Variants in LRP2 observed in about 807,000 individuals in gnomAD.
LRP2 encodes the protein LDL receptor related protein 2.
In LRP2, 172 loss-of-function variants were observed where a neutral mutation model predicts 531.0. That is an observed-to-expected ratio of 0.32 (90% CI 0.29 to 0.37). The LOEUF (loss-of-function observed/expected upper bound fraction) is 0.37. Among genes scored for constraint, LRP2 ranks in the 10% least tolerant of loss-of-function variants. The probability of loss-of-function intolerance (pLI) is 1.00; values close to 1 mark genes in which losing one functional copy is unlikely to be tolerated. For missense variants in LRP2, 5,167 were observed against 5,868.3 expected (o/e 0.88, Z 3.90); for synonymous variants, 1,992 against 2,027.6 (o/e 0.98, Z 0.47).
chr2:169,168,399 T>C (rs192927172), intron 61 of LRP2, 140 bp downstream of exon 61: 18 of 1,029,936 alleles, frequency 1.7e-5, no homozygotes, highest in Admixed American at 1.7e-4. Flanking sequence ...GAAGACCCAG[T>C]GAAATAACAC....
Position 169,275,021 on chromosome 2 carries a change from T to C in LRP2, c.1975+15A>G. 6.2e-7 allele frequency: 1 copy of C among 1,612,486 alleles called. No individual in the cohort carries two copies. Among genetic ancestry groups the C allele is most frequent in the Non-Finnish European group, 8.5e-7 (1 of 1,178,824 alleles). ...GTCCGGTACCAAGCATGGTTACCAC[T>C]GCTCTGAGGCTTACCATAGGGCTGT... On this transcript the variant is annotated intron_variant, in intron 14 of 78. Transcript: ENST00000649046.
At position 169,183,701 on chromosome 2, in the gene LRP2, C is replaced by A. The variant is rs927229793; in HGVS notation, c.9846-1382G>T. On this transcript the variant is annotated intron_variant, in intron 50 of 78. Coordinates refer to ENST00000649046, the MANE Select transcript of LRP2 (RefSeq NM_004525.3). The stretch of plus-strand genomic sequence containing the variant: ...TCAAGAAAACATGGAGAAGATATTC[C>A]GTCTCCACTACTGGAAAAATTAAGA... Among the ~76,000 whole-genome samples, 3 of 152,084 alleles carry A rather than the reference C, an allele frequency of 2.0e-5. No homozygotes were observed. The East Asian group carries it at 5.8e-4, about 29-fold the overall frequency.
chr2:169,259,829 T>C (rs949512233), intron 16 of LRP2, among the ~76,000 whole-genome samples: 18 of 152,052 alleles, frequency 1.2e-4, no homozygotes, highest in Admixed American at 1.0e-3. Context: ...AAAGAAAATC[T>C]GAATCAGAAT....
intron 1 of LRP2, among the ~76,000 whole-genome samples, chr2:169,359,455 T>C (rs554606770): frequency 1.3e-5 from 2 of 152,164 alleles, no homozygotes; most frequent in Admixed American, 6.5e-5. Flanking sequence ...CTCTTTTTTT[T>C]CCCCTCCAAT....
intron 1 of LRP2, among the ~76,000 whole-genome samples, chr2:169,358,539 G>A (rs779425209): frequency 2.0e-4 from 31 of 152,172 alleles, no homozygotes; most frequent in Non-Finnish European, 3.5e-4. Context: ...TGAAATTAAA[G>A]CAGCAGTGAG....
rs140748929 is a variant in LRP2, at chr2:169,241,101, C to A, written c.3932G>T (p.Arg1311Leu). Residue 1311 changes from arginine (R) to leucine (L), a missense_variant, in exon 25 of 79, where the codon CGC (arginine) becomes CTC (leucine). Physicochemically the swap from Arg to Leu is moderately radical, Grantham distance 102. This residue lies in a region of LRP2 where 2,811 missense variants were observed against 3,058.0 expected (regional missense o/e 0.92). Transcript: ENST00000649046. ...ACACTGCCATTGCCAACTAGGACAG[C>A]GAAAGGGCTGAGTAGGGCAGTCCTT... Reference protein sequence around the residue: ...DEKDCPTQPFRCPSWQWQCLG... With the variant: ...DEKDCPTQPFLCPSWQWQCLG... 17 of 1,613,804 alleles carry A rather than the reference C, an allele frequency of 1.1e-5. No homozygotes were observed. Among genetic ancestry groups the A allele is most frequent in the Non-Finnish European group, 1.7e-6 (2 of 1,179,862 alleles).
At chr2:169,156,732 A>G (rs1686345140) in intron 64 of LRP2, among the ~76,000 whole-genome samples, 1 of 152,152 alleles carries the variant, frequency 6.6e-6, no homozygotes. Context: ...CAGAAGGCAT[A>G]TGTTGTGTTG....
At position 169,259,758 on chromosome 2, in the gene LRP2, A is replaced by C. The variant is rs1244936152; in HGVS notation, c.2321-541T>G. 3.0e-4 allele frequency among the ~76,000 whole-genome samples: 43 copies of C among 144,576 alleles called. No individual in the cohort carries two copies. In the Middle Eastern group the frequency reaches 0.011, roughly 36 times the overall value. The allele number at this position is 144,576 out of a possible 152,430, so 94.8% of individuals were successfully genotyped here. A position where few individuals can be genotyped will look rare whatever the true frequency, so the allele number is the denominator to read the frequency against. ...AAACAACAACAACAAAAAAAAAAAA[A>C]CGCTTTCCTCTTTATGGAGTTATTA... On this transcript the variant is annotated intron_variant, in intron 16 of 78. Transcript: ENST00000649046.
At chr2:169,136,207 C>T (rs1457441306) in intron 76 of LRP2, among the ~76,000 whole-genome samples, 1 of 152,094 alleles carries the variant, frequency 6.6e-6, no homozygotes, top group East Asian at 1.9e-4. Context: ...CCCCTTACCA[C>T]AAAATCTTCC....
At chr2:169,146,698 A>C (rs1458169059) in intron 69 of LRP2, 41 bp downstream of exon 69, 2 of 1,447,366 alleles carry the variant, frequency 1.4e-6, no homozygotes, top group Non-Finnish European at 1.9e-6. Context: ...GAAATATGTT[A>C]ATTATTAATT....
chr2:169,196,855 A>G, intron 46 of LRP2, 56 bp downstream of exon 46: 1 of 1,611,720 alleles, frequency 6.2e-7, no homozygotes, highest in Non-Finnish European at 8.5e-7. Context: ...CAGTTGGAAG[A>G]GACTGAAGTT....
intron 10 of LRP2, among the ~76,000 whole-genome samples, chr2:169,282,047 A>C (rs1426519357): frequency 6.6e-6 from 1 of 152,206 alleles, no homozygotes; most frequent in Non-Finnish European, 1.5e-5. Context: ...ATTTGTGAAC[A>C]TATAAATATG....
Position 169,258,917 on chromosome 2 carries a change from G to A in LRP2, c.2513+108C>T. 9 of 1,004,836 alleles carry A rather than the reference G, an allele frequency of 9.0e-6. No homozygotes were observed. In the South Asian group the frequency reaches 1.2e-4, roughly 13 times the overall value. 62.2% of individuals were successfully genotyped at this position (1,004,836 alleles called of 1,614,324 possible). On this transcript the variant is annotated intron_variant, in intron 17 of 78. Coordinates refer to ENST00000649046, the MANE Select transcript of LRP2 (RefSeq NM_004525.3). Reference sequence around the variant, plus strand: ...ATTTAAGGTGATTTCAACTTATACAGTTCAATCTTATATTTGCTGAACTTA... The same window carrying A: ...ATTTAAGGTGATTTCAACTTATACAATTCAATCTTATATTTGCTGAACTTA...
Position 169,235,929 on chromosome 2 carries a change from G to T in LRP2, c.4831C>A (p.Leu1611Met). The change falls in exon 29 of 79, where the codon CTG (leucine) becomes ATG (methionine). Residue 1611 changes from leucine (L) to methionine (M), a missense_variant. Coordinates refer to ENST00000649046, the MANE Select transcript of LRP2 (RefSeq NM_004525.3). ...AGATAGGAGTCCATGAAGTAGAGCA[G>T]TCTGTTGGGGTAGTCAATAGTTAAG... The part of the protein sequence containing the change: ...CGLTIDYPNR[L>M]LYFMDSYLDY... 1.2e-6 allele frequency: 2 copies of T among 1,614,160 alleles called. No individual in the cohort carries two copies. The highest frequency in any genetic ancestry group is 1.7e-6 in the Non-Finnish European group (2 of 1,180,002).
At position 169,278,095 on chromosome 2, in the gene LRP2, GTT is replaced by G. The variant is rs113905285; in HGVS notation, c.1566-146_1566-145del. ...TATAAAACAACAGGGAAATTAAGTT[GTT>G]TTTTTTTTTTAAAGAGACTGTGGGG... On this transcript the variant is annotated intron_variant, in intron 12 of 78. Coordinates refer to ENST00000649046, the MANE Select transcript of LRP2 (RefSeq NM_004525.3). 0.026 allele frequency: 14,784 copies of G among 562,476 alleles called. 173 individuals carry two copies. Among genetic ancestry groups the G allele is most frequent in the Middle Eastern group, 0.048 (106 of 2,198 alleles). 34.8% of individuals were successfully genotyped at this position (562,476 alleles called of 1,614,324 possible).
intron 16 of LRP2, among the ~76,000 whole-genome samples, chr2:169,263,811 G>A (rs1395897751): frequency 6.6e-6 from 1 of 151,926 alleles, no homozygotes; most frequent in African/African-American, 2.4e-5. Flanking sequence ...GTTTATTGCG[G>A]CACTATTCAC....
chr2:169,143,634 A>C (rs1389231624), intron 70 of LRP2, among the ~76,000 whole-genome samples: 1 of 152,232 alleles, frequency 6.6e-6, no homozygotes, highest in Non-Finnish European at 1.5e-5. Context: ...CGACAGAGCA[A>C]GATTCCGTCT....
chr2:169,291,258 C>T (rs1003939276), intron 7 of LRP2, among the ~76,000 whole-genome samples: 5 of 152,120 alleles, frequency 3.3e-5, no homozygotes, highest in African/African-American at 1.2e-4. Flanking sequence ...CAGATATGGG[C>T]CTCAATTATC....
At chr2:169,199,848 C>A (rs921874566) in intron 44 of LRP2, among the ~76,000 whole-genome samples, 1 of 151,996 alleles carries the variant, frequency 6.6e-6, no homozygotes, top group Non-Finnish European at 1.5e-5. Context: ...TATAATAAAA[C>A]AACTAAATGT....
Sources: gnomAD v4.1 joint callset for allele counts (sites outside exome capture counted in the v4.1 genomes callset) on GRCh38, gnomAD v4.1.1 for gene constraint, gnomAD v4.1.1 regional missense constraint, MANE v1.5 for transcripts, NCBI Gene and HGNC (gene_info 2026-07-23, HGNC 2026-07-21) for gene names.